CHSY3: variants seen among roughly 807,000 people sequenced by gnomAD.
CHSY3 encodes chondroitin sulfate synthase 3.
A neutral mutation model predicts 67.2 loss-of-function variants in CHSY3; 35 were observed. The observed-to-expected ratio is 0.52, with a 90% CI of 0.40 to 0.69. CHSY3 has a LOEUF of 0.69. CHSY3 is among the 30% of genes least tolerant of loss of function. CHSY3 has a pLI of 0.00. For synonymous variants in CHSY3, 474 were observed against 434.7 expected (o/e 1.09, Z -1.12); for missense variants, 1,069 against 1,138.5 (o/e 0.94, Z 0.88).
chr5:130,180,316 T>G (rs2149736994), intron 2 of CHSY3, among the ~76,000 whole-genome samples: 1 of 152,326 alleles, frequency 6.6e-6, no homozygotes, highest in East Asian at 1.9e-4. Context: ...GTTAGAGGTA[T>G]TTTATTTTTA....
chr5:129,991,013 T>G (rs1047024974), intron 2 of CHSY3, among the ~76,000 whole-genome samples: 1 of 152,028 alleles, frequency 6.6e-6, no homozygotes, highest in African/African-American at 2.4e-5. Context: ...GAAACGCATT[T>G]TAGACAAATA....
At chr5:130,044,071 G>A (rs1378058768) in intron 2 of CHSY3, among the ~76,000 whole-genome samples, 2 of 152,052 alleles carry the variant, frequency 1.3e-5, no homozygotes, top group Non-Finnish European at 2.9e-5. Flanking sequence ...GCTGAAATAT[G>A]TAAATCTTCA....
intron 2 of CHSY3, among the ~76,000 whole-genome samples, chr5:130,123,479 G>A (rs534644770): frequency 3.9e-5 from 6 of 152,100 alleles, no homozygotes; most frequent in Non-Finnish European, 2.9e-5. Context: ...TCACAGTAGC[G>A]TTCCTTCTCC....
At chr5:130,008,355 G>T (rs1291714956) in intron 2 of CHSY3, among the ~76,000 whole-genome samples, 1 of 152,214 alleles carries the variant, frequency 6.6e-6, no homozygotes, top group Non-Finnish European at 1.5e-5. Context: ...GACCAAGAGT[G>T]CTAAACTGAG....
chr5:130,123,478 C>T (rs992353748), intron 2 of CHSY3, among the ~76,000 whole-genome samples: 1 of 152,114 alleles, frequency 6.6e-6, no homozygotes, highest in Non-Finnish European at 1.5e-5. Context: ...TTCACAGTAG[C>T]GTTCCTTCTC....
intron 2 of CHSY3, among the ~76,000 whole-genome samples, chr5:130,159,037 C>A (rs997627732): frequency 6.6e-6 from 1 of 151,934 alleles, no homozygotes; most frequent in South Asian, 2.1e-4. Flanking sequence ...TGAGTGCAAG[C>A]GATCTGCCTG....
chr5:130,078,338 G>A (rs1191885507), intron 2 of CHSY3, among the ~76,000 whole-genome samples: 1 of 151,936 alleles, frequency 6.6e-6, no homozygotes, highest in Non-Finnish European at 1.5e-5. Context: ...TTATTCCATG[G>A]GTGTGTGTAT....
chr5:129,986,817 A>AT lies in CHSY3; in HGVS notation c.1086+78463dup, dbSNP rs1425172892. On this transcript the variant is annotated intron_variant, in intron 2 of 2. Coordinates refer to ENST00000305031, the MANE Select transcript of CHSY3 (RefSeq NM_175856.5). ...GCCACTGCACCCAGCTAATTTTTGT[A>AT]TTTTTTGTAGAGACAGGGTTTTGCC... Among the ~76,000 whole-genome samples, 13 of 151,950 alleles carry AT rather than the reference A, an allele frequency of 8.6e-5. No individual in the cohort carries two copies. The East Asian group carries it at 2.5e-3, about 30-fold the overall frequency.
At chr5:130,160,891 A>ATTTTTTTTTTTTTTTTTTTTTTTTTTT (rs1171885849) in intron 2 of CHSY3, among the ~76,000 whole-genome samples, 1 of 138,256 alleles carries the variant, frequency 7.2e-6, no homozygotes, top group Non-Finnish European at 1.5e-5. Context: ...TTATTTATTT[A>ATTTTTTTTTTTTTTTTTTTTTTTTTTT]TTTATTTTTT....
intron 2 of CHSY3, among the ~76,000 whole-genome samples, chr5:130,012,128 G>A (rs921171679): frequency 6.6e-6 from 1 of 152,172 alleles, no homozygotes; most frequent in Non-Finnish European, 1.5e-5. Context: ...CCAAAGAAGA[G>A]CCTGAGTAAT....
At chr5:130,091,125 C>CACAT in intron 2 of CHSY3, among the ~76,000 whole-genome samples, 1 of 117,472 alleles carries the variant, frequency 8.5e-6, no homozygotes, top group African/African-American at 3.7e-5. Context: ...CACACACACA[C>CACAT]ACACACACAC....
intron 2 of CHSY3, among the ~76,000 whole-genome samples, chr5:130,017,234 A>G (rs2149650865): frequency 6.6e-6 from 1 of 152,112 alleles, no homozygotes; most frequent in Admixed American, 6.5e-5. Context: ...CAGGTGTGGA[A>G]GTTCGAGTGT....
intron 2 of CHSY3, among the ~76,000 whole-genome samples, chr5:130,148,267 T>TATGTACC (rs1177971140): frequency 1.3e-5 from 2 of 152,222 alleles, no homozygotes; most frequent in African/African-American, 4.8e-5. Flanking sequence ...CCATGGTGTA[T>TATGTACC]ATGTACCACA....
chr5:130,084,683 A>C (rs1195432796), intron 2 of CHSY3, among the ~76,000 whole-genome samples: 1 of 151,890 alleles, frequency 6.6e-6, no homozygotes, highest in Non-Finnish European at 1.5e-5. Flanking sequence ...TCTGATCCTA[A>C]ATGTAAACAC....
chr5:130,002,474 A>C (rs1023662991), intron 2 of CHSY3, among the ~76,000 whole-genome samples: 1 of 152,180 alleles, frequency 6.6e-6, no homozygotes, highest in East Asian at 1.9e-4. Flanking sequence ...AGGGAGCCAC[A>C]GGAAGCTGAG....
In CHSY3 at chr5:130,171,697, A is replaced by G. The variant is rs372970800; in HGVS notation, c.1087-12532A>G. 6.6e-5 allele frequency among the ~76,000 whole-genome samples: 10 copies of G among 152,368 alleles called. 1 individual carries two copies. The highest frequency in any genetic ancestry group is 2.4e-4 in the African/African-American group (10 of 41,592). ...TTTCTAAAAACTAAAATAGCTAAAA[A>G]AAATGAAACAGGAAAAATGTGTCAG... On this transcript the variant is annotated intron_variant, in intron 2 of 2. Coordinates refer to ENST00000305031, the MANE Select transcript of CHSY3 (RefSeq NM_175856.5).
At position 130,034,556 on chromosome 5, in the gene CHSY3, T is replaced by C. The variant is rs868787056; in HGVS notation, c.1086+126196T>C. Among the ~76,000 whole-genome samples, 25 of 152,310 alleles carry C rather than the reference T, an allele frequency of 1.6e-4. No individual in the cohort carries two copies. In the Middle Eastern group the frequency reaches 0.01, roughly 62 times the overall value. On this transcript the variant is annotated intron_variant, in intron 2 of 2. Coordinates refer to ENST00000305031, the MANE Select transcript of CHSY3 (RefSeq NM_175856.5). ...GATATTTATGGTACAGGCCCAGCTC[T>C]AAGGGCTGTAGATAAAATGGTGAAC...
rs140153797 is a variant in CHSY3, at chr5:130,102,028, T to G, written c.1087-82201T>G. ...TGAAAAACAACATTGTTTTGTGGTG[T>G]TGTTACATTGGAGTGCTTCCTTTTG... On this transcript the variant is annotated intron_variant, in intron 2 of 2. Transcript: ENST00000305031. Among the ~76,000 whole-genome samples, 805 of 152,278 alleles carry G rather than the reference T, an allele frequency of 5.3e-3. 5 individuals carry two copies. Among genetic ancestry groups the G allele is most frequent in the African/African-American group, 0.014 (568 of 41,584 alleles).
chr5:130,006,284 T>C (rs766809893), intron 2 of CHSY3, among the ~76,000 whole-genome samples: 5 of 152,116 alleles, frequency 3.3e-5, no homozygotes, highest in Admixed American at 6.6e-5. Context: ...TGTTAGGACA[T>C]AGTAAGATGC....
Sources: gnomAD v4.1 joint callset for allele counts (sites outside exome capture counted in the v4.1 genomes callset) on GRCh38, gnomAD v4.1.1 for gene constraint, MANE v1.5 for transcripts, NCBI Gene and HGNC (gene_info 2026-07-23, HGNC 2026-07-21) for gene names.